Variants in TPM3 observed in about 807,000 individuals in gnomAD.
The protein encoded by TPM3 is tropomyosin 3, also known as tropomyosin alpha-3 chain.
Under a neutral mutation model 43.1 loss-of-function variants are expected in TPM3, and 16 were observed. The ratio of observed to expected loss-of-function variants is 0.37; its 90% CI spans 0.25 to 0.56. The LOEUF (loss-of-function observed/expected upper bound fraction) is 0.56, where lower values mean the gene tolerates loss of function less well. Among genes scored for constraint, TPM3 ranks in the 20% least tolerant of loss-of-function variants. TPM3 has a pLI of 0.77. For missense variants in TPM3, 176 were observed against 337.2 expected, an observed-to-expected ratio of 0.52 and a Z score of 3.74; for synonymous variants, 101 against 116.9, an observed-to-expected ratio of 0.86 and a Z score of 0.88.
In TPM3 at chr1:154,188,550, C is replaced by T. The variant is rs190806025; in HGVS notation, c.243+2636G>A. Among the ~76,000 whole-genome samples the T allele has an allele frequency of 4.7e-4, 71 of 151,048 alleles. No homozygotes were observed. In the East Asian group the frequency reaches 0.012, roughly 26 times the overall value. On this transcript the variant is annotated intron_variant, in intron 2 of 9. Transcript: ENST00000651641. ...ATTAGCCGGGCGCGGTGGCGGGCAC[C>T]TGTAGTCCCAGCTACTCAGGAGGCT...
At chr1:154,178,435 A>G (rs12063830) in intron 2 of TPM3, among the ~76,000 whole-genome samples, 96,876 of 152,124 alleles carry the variant, frequency 0.64, 31,952 homozygotes, top group East Asian at 0.88. Context: ...GACCCCCTCC[A>G]GGGTGGAGTG....
At chr1:154,174,191 G>A (rs1571410076) in intron 3 of TPM3, among the ~76,000 whole-genome samples, 1 of 150,176 alleles carries the variant, frequency 6.7e-6, no homozygotes, top group Admixed American at 6.6e-5. Context: ...AAATTAGTCA[G>A]GCGTGGTGGC....
intron 8 of TPM3, chr1:154,169,695 T>C: frequency 2.1e-6 from 1 of 480,106 alleles, no homozygotes; most frequent in South Asian, 2.2e-5. Context: ...ACCCAATTCC[T>C]AGCAGTGATA....
At chr1:154,155,379 C>T, downstream of TPM3, 2 of 328,598 alleles carry the variant, frequency 6.1e-6, no homozygotes, top group East Asian at 4.9e-5. Context: ...TAACACCACA[C>T]CCTCCGCCCG....
At chr1:154,172,245 A>G (rs897328771) in intron 5 of TPM3, 7 of 833,966 alleles carry the variant, frequency 8.4e-6, no homozygotes, top group Non-Finnish European at 1.5e-5. Context: ...CATGGTCATG[A>G]TATGTTATGT....
chr1:154,172,524 C>G (rs1485569278), intron 5 of TPM3: 8 of 491,476 alleles, frequency 1.6e-5, no homozygotes, highest in African/African-American at 3.9e-5. Context: ...TACTAAGTAG[C>G]TGGGACTACA....
downstream of TPM3, chr1:154,158,533 T>C (rs905343593): frequency 3.7e-5 from 13 of 346,714 alleles, no homozygotes; most frequent in African/African-American, 1.9e-4. Flanking sequence ...TCCCACAACT[T>C]TTCTTTCACT....
intron 2 of TPM3, among the ~76,000 whole-genome samples, chr1:154,181,944 A>G (rs1663000271): frequency 6.6e-6 from 1 of 152,136 alleles, no homozygotes; most frequent in Non-Finnish European, 1.5e-5. Flanking sequence ...GAAGAAAGAA[A>G]TCACTAGAAT....
chr1:154,173,009 G>A, intron 4 of TPM3, 31 bp from the exon 5 acceptor site: 2 of 1,614,130 alleles, frequency 1.2e-6, no homozygotes, highest in Admixed American at 1.7e-5. Flanking sequence ...ATAGCTTAGT[G>A]AAGCAAAGGA....
At position 154,184,606 on chromosome 1, in the gene TPM3, A is replaced by G. The variant is rs148254891; in HGVS notation, c.243+6580T>C. Among the ~76,000 whole-genome samples the G allele has an allele frequency of 5.0e-3, 768 of 152,308 alleles. 3 individuals carry two copies. The highest frequency in any genetic ancestry group is 9.5e-3 in the African/African-American group (393 of 41,564). On this transcript the variant is annotated intron_variant, in intron 2 of 9. Transcript: ENST00000651641. ...AAGATATGCCCCCATTTTATCAGGA[A>G]GAAATCCTCTATTACAGACCACTGT...
At chr1:154,158,365 A>G (rs983955747), downstream of TPM3, among the ~76,000 whole-genome samples, 1 of 152,176 alleles carries the variant, frequency 6.6e-6, no homozygotes, top group African/African-American at 2.4e-5. Context: ...TAAAACCAGA[A>G]AAAGGACGCA....
chr1:154,156,535 C>T (rs1659824717), downstream of TPM3: 1 of 202,200 alleles, frequency 4.9e-6, no homozygotes, highest in South Asian at 1.9e-4. Context: ...CTCCTAGAAA[C>T]CTTACCAGAA....
rs927229356 is a variant in TPM3 at position 154,162,146 on chromosome 1, A to G, written c.*5791T>C. 6.6e-6 allele frequency among the ~76,000 whole-genome samples: 1 copy of G among 152,042 alleles called. No homozygotes were observed. The highest frequency in any genetic ancestry group is 2.4e-5 in the African/African-American group (1 of 41,414). ...AGCACTTTGGAAGGCCGAGGCGGGC[A>G]GATCACGAGGTCAGGAGTTTGAGAT... On this transcript the variant is annotated 3_prime_UTR_variant, in exon 10 of 10. Coordinates refer to ENST00000651641, the MANE Select transcript of TPM3 (RefSeq NM_152263.4).
chr1:154,187,461 G>A (rs1344504874), intron 2 of TPM3: 1 of 984,566 alleles, frequency 1.0e-6, no homozygotes, highest in Admixed American at 6.2e-5. Flanking sequence ...GGGGAGAGGG[G>A]TTGAATGAGT....
At chr1:154,182,594 C>A (rs1047778761) in intron 2 of TPM3, among the ~76,000 whole-genome samples, 1 of 152,110 alleles carries the variant, frequency 6.6e-6, no homozygotes, top group Non-Finnish European at 1.5e-5. Context: ...CCCACTCTTA[C>A]CCCTTGGGCA....
At chr1:154,191,799 A>G (rs1663690881) in intron 1 of TPM3, 103 bp downstream of exon 1, 8 of 1,574,568 alleles carry the variant, frequency 5.1e-6, no homozygotes, top group South Asian at 1.1e-5. Flanking sequence ...CCCACCCCCA[A>G]AAAGGAGGTG....
chr1:154,178,246 G>T lies in TPM3; in HGVS notation c.244-1998C>A, dbSNP rs143722947. ...TGGGGCGGGGGTGTACAGTTGCCAT[G>T]ACAGCAAGCTGGCTCAGGCAGTTTC... On this transcript the variant is annotated intron_variant, in intron 2 of 9. Coordinates refer to ENST00000651641, the MANE Select transcript of TPM3 (RefSeq NM_152263.4). The T allele has an allele frequency of 6.5e-4, 621 of 949,858 alleles. 2 individuals carry two copies. The highest frequency in any genetic ancestry group is 6.0e-3 in the Middle Eastern group (11 of 1,844). 58.8% of individuals were successfully genotyped at this position (949,858 alleles called of 1,614,324 possible).
chr1:154,184,837 C>T (rs183250139), intron 2 of TPM3, among the ~76,000 whole-genome samples: 5 of 151,874 alleles, frequency 3.3e-5, no homozygotes, highest in African/African-American at 1.2e-4. Context: ...TTTCTTGAGC[C>T]GGGAAGGCAG....
At chr1:154,155,358 ACT>A (rs762159378), downstream of TPM3, 8 of 395,510 alleles carry the variant, frequency 2.0e-5, no homozygotes, top group Non-Finnish European at 2.8e-5. Flanking sequence ...TCTGTTGCAC[ACT>A]GTTTATCTTA....
Sources: gnomAD v4.1 joint callset for allele counts (sites outside exome capture counted in the v4.1 genomes callset) on GRCh38, gnomAD v4.1.1 for gene constraint, MANE v1.5 for transcripts, NCBI Gene and HGNC (gene_info 2026-07-23, HGNC 2026-07-21) for gene names.